DOK6: variants seen among roughly 807,000 people sequenced by gnomAD.
DOK6 encodes the protein downstream of tyrosine kinase 6.
A neutral mutation model predicts 44.0 loss-of-function variants in DOK6; 22 were observed. That is an observed-to-expected ratio of 0.50 (90% CI 0.36 to 0.71). DOK6 has a LOEUF of 0.71. Ranked by LOEUF, DOK6 falls within the 30% of genes least tolerant of loss-of-function variation. The probability of loss-of-function intolerance (pLI) is 0.00; values close to 1 mark genes in which losing one functional copy is unlikely to be tolerated. For synonymous variants in DOK6, 166 were observed against 145.5 expected (o/e 1.14, Z -1.01); for missense variants, 340 against 416.4 (o/e 0.82, Z 1.60).
chr18:69,803,017 A>C (rs757748696), intron 7 of DOK6, among the ~76,000 whole-genome samples: 3 of 152,072 alleles, frequency 2.0e-5, no homozygotes, highest in Non-Finnish European at 4.4e-5. Flanking sequence ...AAGAAATGAT[A>C]ATTAGTAGCT....
At chr18:69,816,979 A>G (rs1981416349) in intron 7 of DOK6, among the ~76,000 whole-genome samples, 1 of 152,242 alleles carries the variant, frequency 6.6e-6, no homozygotes, top group Admixed American at 6.5e-5. Flanking sequence ...TGAAGAGGAC[A>G]GCAGCATTCT....
chr18:69,660,295 C>G (rs1424927321), intron 3 of DOK6: 1 of 152,106 alleles, frequency 6.6e-6, no homozygotes, highest in Non-Finnish European at 1.5e-5. Context: ...AATGTGTTAC[C>G]TTTTGTTTGA....
Position 69,724,701 on chromosome 18 carries a change from G to A in DOK6, c.600-14264G>A, listed in dbSNP as rs1369228686. 3.9e-5 allele frequency: 6 copies of A among 152,316 alleles called. No homozygotes were observed. The East Asian group carries it at 1.2e-3, about 29-fold the overall frequency. 9.4% of individuals were successfully genotyped at this position (152,316 alleles called of 1,614,324 possible). A position where few individuals can be genotyped will look rare whatever the true frequency, so the allele number is the denominator to read the frequency against. On this transcript the variant is annotated intron_variant, in intron 5 of 7. Transcript: ENST00000382713. ...TCATCTCAAGCTGGGACAGGAGCTAGAGAGGGAGTGAGACAGCCAGCTCAT... is the reference window on the plus strand; with the variant it reads ...TCATCTCAAGCTGGGACAGGAGCTAAAGAGGGAGTGAGACAGCCAGCTCAT...
intron 5 of DOK6, among the ~76,000 whole-genome samples, chr18:69,731,095 A>G (rs1330468806): frequency 6.7e-6 from 1 of 149,240 alleles, no homozygotes; most frequent in African/African-American, 2.5e-5. Flanking sequence ...GATAATCCCA[A>G]CTAAAAAAAA....
At chr18:69,778,289 T>C (rs1980143549) in intron 7 of DOK6, among the ~76,000 whole-genome samples, 1 of 152,118 alleles carries the variant, frequency 6.6e-6, no homozygotes, top group South Asian at 2.1e-4. Flanking sequence ...CAGGTCCTCC[T>C]AGAAGCAGAT....
At chr18:69,574,848 T>C (rs1196194882) in intron 2 of DOK6, among the ~76,000 whole-genome samples, 1 of 152,092 alleles carries the variant, frequency 6.6e-6, no homozygotes. Context: ...GGTAATACAC[T>C]ATGTAACAGA....
chr18:69,658,487 A>G (rs1194693985), intron 3 of DOK6, among the ~76,000 whole-genome samples: 3 of 152,224 alleles, frequency 2.0e-5, no homozygotes, highest in Non-Finnish European at 4.4e-5. Flanking sequence ...TATGTTGACA[A>G]TAATTACTAC....
intron 7 of DOK6, among the ~76,000 whole-genome samples, chr18:69,795,314 A>G (rs1482244080): frequency 1.3e-5 from 2 of 152,160 alleles, no homozygotes. Flanking sequence ...AGGCTGTTTA[A>G]GCTTTAAAAT....
chr18:69,470,894 A>T (rs1371939278), intron 1 of DOK6, among the ~76,000 whole-genome samples: 1 of 152,202 alleles, frequency 6.6e-6, no homozygotes, highest in Non-Finnish European at 1.5e-5. Context: ...GAGGGGGCTC[A>T]GAGTAAATAC....
chr18:69,547,155 C>CA (rs1982430297), intron 1 of DOK6, among the ~76,000 whole-genome samples: 2 of 151,646 alleles, frequency 1.3e-5, no homozygotes, highest in Admixed American at 6.6e-5. Context: ...GGCTGGAGTG[C>CA]AGTGGTGTGA....
At chr18:69,697,858 A>G (rs1039043884) in intron 4 of DOK6, among the ~76,000 whole-genome samples, 1 of 152,232 alleles carries the variant, frequency 6.6e-6, no homozygotes, top group African/African-American at 2.4e-5. Flanking sequence ...TGCAATTATC[A>G]TATGCTAAAT....
chr18:69,678,513 G>A (rs1392528839), intron 4 of DOK6, among the ~76,000 whole-genome samples: 1 of 152,180 alleles, frequency 6.6e-6, no homozygotes, highest in African/African-American at 2.4e-5. Context: ...GTTATCGGTA[G>A]CTTTTAGGAC....
intron 1 of DOK6, among the ~76,000 whole-genome samples, chr18:69,476,752 G>T (rs775692587): frequency 2.0e-5 from 3 of 152,172 alleles, no homozygotes; most frequent in Non-Finnish European, 2.9e-5. Flanking sequence ...TGCAGAGAGG[G>T]CGTGAGAGAA....
chr18:69,563,534 A>G (rs921838502), intron 1 of DOK6, among the ~76,000 whole-genome samples: 1 of 151,724 alleles, frequency 6.6e-6, no homozygotes, highest in African/African-American at 2.4e-5. Context: ...CATCATTCTC[A>G]GCAAACTATC....
chr18:69,760,667 G>A (rs1599310668), intron 7 of DOK6, among the ~76,000 whole-genome samples: 1 of 151,378 alleles, frequency 6.6e-6, no homozygotes, highest in Non-Finnish European at 1.5e-5. Flanking sequence ...ATCTTATTGG[G>A]AAGCTGCTGA....
chr18:69,715,882 G>C (rs57337262), intron 5 of DOK6, among the ~76,000 whole-genome samples: 4 of 152,180 alleles, frequency 2.6e-5, no homozygotes, highest in African/African-American at 9.6e-5. Context: ...GGTATGGACT[G>C]TGAATTGGTT....
At chr18:69,840,533 G>T (rs1010533176) in intron 7 of DOK6, among the ~76,000 whole-genome samples, 1 of 152,204 alleles carries the variant, frequency 6.6e-6, no homozygotes, top group Non-Finnish European at 1.5e-5. Flanking sequence ...TTCGGTTTGC[G>T]ATAGACTATT....
At chr18:69,594,909 A>G (rs1429139034) in intron 2 of DOK6, among the ~76,000 whole-genome samples, 1 of 152,192 alleles carries the variant, frequency 6.6e-6, no homozygotes, top group Non-Finnish European at 1.5e-5. Flanking sequence ...AATTCAGTAA[A>G]GTTGCAGCAT....
chr18:69,781,686 C>T (rs1020059440), intron 7 of DOK6, among the ~76,000 whole-genome samples: 12 of 152,054 alleles, frequency 7.9e-5, no homozygotes, highest in South Asian at 2.1e-4. Flanking sequence ...ATATAATATT[C>T]GTTATTTTAA....
Sources: allele counts gnomAD v4.1 joint callset (sites outside exome capture counted in the v4.1 genomes callset), GRCh38; gene constraint gnomAD v4.1.1; transcripts MANE v1.5; gene names NCBI Gene and HGNC (gene_info 2026-07-23, HGNC 2026-07-21).